PFKP: variants seen among roughly 807,000 people sequenced by gnomAD.
The protein encoded by PFKP is phosphofructokinase, platelet, also known as ATP-dependent 6-phosphofructokinase, platelet type.
In PFKP, 101 loss-of-function variants were observed where a neutral mutation model predicts 94.3. The ratio of observed to expected loss-of-function variants is 1.07; its 90% CI spans 0.91 to 1.26. PFKP has a LOEUF of 1.26. Among genes scored for constraint, PFKP ranks in the 50% most tolerant of loss-of-function variants. The pLI, the probability that PFKP is intolerant of heterozygous loss-of-function variation, is 0.00. For missense variants in PFKP, 1,145 were observed against 1,103.3 expected (o/e 1.04, Z -0.53); for synonymous variants, 573 against 432.6 (o/e 1.32, Z -4.03).
chr10:3,081,794 A>T (rs544415240), intron 1 of PFKP, among the ~76,000 whole-genome samples: 1 of 152,254 alleles, frequency 6.6e-6, no homozygotes, highest in Admixed American at 6.5e-5. Context: ...GATACATTGT[A>T]AACAGACCTA....
intron 5 of PFKP, 116 bp downstream of exon 5, chr10:3,104,060 T>C: frequency 1.1e-6 from 1 of 896,882 alleles, no homozygotes; most frequent in Non-Finnish European, 1.7e-6. Flanking sequence ...GCTGGTCTCG[T>C]AACTTGACTT....
chr10:3,070,013 C>T (rs1301681790), intron 1 of PFKP, among the ~76,000 whole-genome samples: 4 of 152,214 alleles, frequency 2.6e-5, no homozygotes, highest in Non-Finnish European at 5.9e-5. Flanking sequence ...GCTGCAACCT[C>T]GGGTTAATAG....
At chr10:3,073,825 G>GTTT (rs556041801) in intron 1 of PFKP, among the ~76,000 whole-genome samples, 1 of 150,788 alleles carries the variant, frequency 6.6e-6, no homozygotes, top group African/African-American at 2.5e-5. Flanking sequence ...GTGTGTGTGT[G>GTTT]TTTTTTTTGT....
In PFKP at chr10:3,103,956, A is replaced by C. The variant is rs1242840723; in HGVS notation, c.620+12A>C. 6.2e-7 allele frequency: 1 copy of C among 1,612,152 alleles called. No homozygotes were observed. The highest frequency in any genetic ancestry group is 1.3e-5 in the African/African-American group (1 of 74,932). On this transcript the variant is annotated intron_variant, in intron 5 of 21. Transcript: ENST00000381125. Reference sequence around the variant, plus strand: ...ACCACGGCCCAGAGGTAAAGCGCTCAGAGGAACCGGCGGGAGGCCAGTGGG... The same window carrying C: ...ACCACGGCCCAGAGGTAAAGCGCTCCGAGGAACCGGCGGGAGGCCAGTGGG...
intron 19 of PFKP, 58 bp downstream of exon 19, chr10:3,133,372 T>TTAG (rs1838828330): frequency 9.3e-7 from 1 of 1,079,420 alleles, no homozygotes; most frequent in Non-Finnish European, 1.4e-6. Context: ...TTTTAAAAGA[T>TTAG]TAGTGTCTTA....
intron 2 of PFKP, among the ~76,000 whole-genome samples, chr10:3,094,257 C>T (rs1834307707): frequency 6.6e-6 from 1 of 152,202 alleles, no homozygotes; most frequent in African/African-American, 2.4e-5. Context: ...GGTTGTACAA[C>T]TTACCGGAAT....
At chr10:3,126,792 C>G (rs554330700) in intron 16 of PFKP, among the ~76,000 whole-genome samples, 1 of 152,360 alleles carries the variant, frequency 6.6e-6, no homozygotes, top group South Asian at 2.1e-4. Flanking sequence ...TGAACTGTAG[C>G]CTGGGGCTCT....
chr10:3,105,962 A>G lies in PFKP; in HGVS notation c.774+461A>G, dbSNP rs181161026. Among the ~76,000 whole-genome samples the G allele has an allele frequency of 1.5e-3, 234 of 152,342 alleles. 3 individuals carry two copies. The highest frequency in any genetic ancestry group is 2.1e-3 in the Non-Finnish European group (143 of 68,032). ...CGTGACTGCCGTGAGCATAGGAAGG[A>G]CGACGGGGACAGCAGCCACGGTGGC... is the stretch of plus-strand genomic sequence containing the variant. On this transcript the variant is annotated intron_variant, in intron 7 of 21. Transcript: ENST00000381125.
In PFKP at chr10:3,075,904, C is replaced by CAAA. The variant is rs577636701; in HGVS notation, c.113-6466_113-6464dup. ...TGGGCAACAGAGTGAGACCCTATCG[C>CAAA]AAAAAAAAAAAAAAAAAAAAGTAGT... On this transcript the variant is annotated intron_variant, in intron 1 of 21. Coordinates refer to ENST00000381125, the MANE Select transcript of PFKP (RefSeq NM_002627.5). 1.4e-3 allele frequency among the ~76,000 whole-genome samples: 98 copies of CAAA among 70,332 alleles called. 1 individual carries two copies. The highest frequency in any genetic ancestry group is 5.0e-3 in the African/African-American group (94 of 18,964). The allele number at this position is 70,332 out of a possible 152,430, so 46.1% of individuals were successfully genotyped here. A position where few individuals can be genotyped will look rare whatever the true frequency, so the allele number is the denominator to read the frequency against.
chr10:3,128,822 G>C (rs1838241188), intron 16 of PFKP, among the ~76,000 whole-genome samples: 1 of 152,186 alleles, frequency 6.6e-6, no homozygotes. Context: ...GATTCCTTTG[G>C]GGGCTGCTCT....
At chr10:3,112,335 C>G in intron 11 of PFKP, 49 bp downstream of exon 11, 1 of 1,387,832 alleles carries the variant, frequency 7.2e-7, no homozygotes, top group South Asian at 1.2e-5. Context: ...ACACACCCCT[C>G]AGGCCCAGCC....
chr10:3,109,513 G>A (rs373772863), intron 10 of PFKP, 33 bp downstream of exon 10: 138 of 1,593,464 alleles, frequency 8.7e-5, no homozygotes, highest in Non-Finnish European at 1.1e-4. Context: ...AGGGCAGGGC[G>A]GAGACGGCTG....
rs71294492 is a variant in PFKP, at chr10:3,100,862, C to CAAAAAAAAAAAAA, written c.265-495_265-483dup. On this transcript the variant is annotated intron_variant, in intron 3 of 21. Transcript: ENST00000381125. ...TAAAAGGGGCAGCGAGTATGTGGTGCAAAAAAAAAAAAAAAAAAAATCCCC... is the reference window on the plus strand; with the variant it reads ...TAAAAGGGGCAGCGAGTATGTGGTGCAAAAAAAAAAAAAAAAAAAAAAAAAAAAAAAAATCCCC... The CAAAAAAAAAAAAA allele has an allele frequency of 2.5e-3, 1,624 of 656,596 alleles. 34 individuals carry two copies. The highest frequency in any genetic ancestry group is 0.015 in the African/African-American group (619 of 40,948). The allele number at this position is 656,596 out of a possible 1,614,324, so 40.7% of individuals were successfully genotyped here. A position where few individuals can be genotyped will look rare whatever the true frequency, so the allele number is the denominator to read the frequency against.
rs1838784192 is a variant in PFKP at position 3,133,084 on chromosome 10, G to A, written c.1911-119G>A. 5 of 739,888 alleles carry A rather than the reference G, an allele frequency of 6.8e-6. No homozygotes were observed. The Admixed American group carries it at 9.0e-5, about 13-fold the overall frequency. 45.8% of individuals were successfully genotyped at this position (739,888 alleles called of 1,614,324 possible). On this transcript the variant is annotated intron_variant, in intron 18 of 21. Coordinates refer to ENST00000381125, the MANE Select transcript of PFKP (RefSeq NM_002627.5). ...GTGAACTGGAGGGACTGGTGTTGAT[G>A]TAGAATCACCATAGGGTTGGGGGAT...
intron 15 of PFKP, among the ~76,000 whole-genome samples, 182 bp downstream of exon 15, chr10:3,119,051 C>T (rs1837123037): frequency 6.6e-6 from 1 of 151,990 alleles, no homozygotes; most frequent in Non-Finnish European, 1.5e-5. Flanking sequence ...CTACGAGTGG[C>T]CCAGTTCCAG....
intron 1 of PFKP, among the ~76,000 whole-genome samples, chr10:3,067,988 A>T (rs929628020): frequency 1.3e-5 from 2 of 152,096 alleles, no homozygotes; most frequent in Non-Finnish European, 2.9e-5. Context: ...GGAGGAAGGG[A>T]CATGGCGGTA....
At chr10:3,119,227 A>G (rs1158281902) in intron 15 of PFKP, among the ~76,000 whole-genome samples, 1 of 152,206 alleles carries the variant, frequency 6.6e-6, no homozygotes, top group African/African-American at 2.4e-5. Flanking sequence ...ATTTTGTTTA[A>G]AATCACATAT....
At position 3,125,226 on chromosome 10, in the gene PFKP, A is replaced by G. The variant is rs759359893; in HGVS notation, c.1684-4593A>G. The G allele has an allele frequency of 9.7e-6, 13 of 1,339,720 alleles. 1 individual carries two copies. The Admixed American group carries it at 2.3e-4, about 24-fold the overall frequency. The allele number at this position is 1,339,720 out of a possible 1,614,324, so 83.0% of individuals were successfully genotyped here. A position where few individuals can be genotyped will look rare whatever the true frequency, so the allele number is the denominator to read the frequency against. On this transcript the variant is annotated intron_variant, in intron 16 of 21. Coordinates refer to ENST00000381125, the MANE Select transcript of PFKP (RefSeq NM_002627.5). ...CACAGAAATAAGCCTGGGCTCCGAC[A>G]CTGGCCTGAATGCTGTTGTTGAGGT...
intron 16 of PFKP, among the ~76,000 whole-genome samples, chr10:3,123,801 A>G (rs1165093237): frequency 6.6e-6 from 1 of 152,218 alleles, no homozygotes; most frequent in African/African-American, 2.4e-5. Context: ...TGGCATTTGG[A>G]TTGAAGTCCT....
Sources: allele counts gnomAD v4.1 joint callset (sites outside exome capture counted in the v4.1 genomes callset), GRCh38; gene constraint gnomAD v4.1.1; transcripts MANE v1.5; gene names NCBI Gene and HGNC (gene_info 2026-07-23, HGNC 2026-07-21).